SPAG16: variants seen among roughly 807,000 people sequenced by gnomAD.
The protein encoded by SPAG16 is sperm associated antigen 16, also known as sperm-associated antigen 16 protein.
SPAG16 carries 86 observed loss-of-function variants against 80.4 expected under a neutral mutation model. The observed-to-expected ratio is 1.07, with a 90% CI of 0.90 to 1.28. SPAG16 has a LOEUF of 1.28. Among genes scored for constraint, SPAG16 ranks in the 50% most tolerant of loss-of-function variants. The pLI is 0.00. For missense variants in SPAG16, 870 were observed against 765.3 expected, an observed-to-expected ratio of 1.14 and a Z score of -1.61; for synonymous variants, 294 against 265.9, an observed-to-expected ratio of 1.11 and a Z score of -1.03.
At chr2:213,305,809 T>G (rs745869805) in intron 3 of SPAG16, among the ~76,000 whole-genome samples, 2 of 151,902 alleles carry the variant, frequency 1.3e-5, no homozygotes, top group African/African-American at 4.8e-5. Flanking sequence ...ATATTGGCCT[T>G]TTAACATGTC....
intron 11 of SPAG16, among the ~76,000 whole-genome samples, chr2:213,906,097 T>C (rs1299233099): frequency 1.3e-5 from 2 of 152,162 alleles, no homozygotes; most frequent in Non-Finnish European, 2.9e-5. Context: ...CCTCTCATAC[T>C]TCAGAGACCT....
chr2:214,107,788 A>G (rs1576226379), intron 13 of SPAG16, among the ~76,000 whole-genome samples: 1 of 152,296 alleles, frequency 6.6e-6, no homozygotes, highest in African/African-American at 2.4e-5. Flanking sequence ...TCATTTAAAA[A>G]GAAAAAGAGA....
chr2:214,222,784 T>G (rs2058611691), intron 15 of SPAG16, among the ~76,000 whole-genome samples: 3 of 152,174 alleles, frequency 2.0e-5, no homozygotes, highest in Admixed American at 2.0e-4. Flanking sequence ...CCCACTGCAC[T>G]TTAAAATTGA....
chr2:213,892,148 G>C (rs914041628), intron 11 of SPAG16, among the ~76,000 whole-genome samples: 15 of 151,968 alleles, frequency 9.9e-5, no homozygotes, highest in African/African-American at 3.4e-4. Flanking sequence ...TAGGTCCCTA[G>C]AACACAAAAC....
chr2:213,426,789 G>A (rs2069948380), intron 9 of SPAG16, among the ~76,000 whole-genome samples: 2 of 136,956 alleles, frequency 1.5e-5, no homozygotes, highest in South Asian at 2.6e-4. Flanking sequence ...GTGTGTGTAT[G>A]TTTATATTTA....
chr2:213,404,316 G>C (rs1227760793), intron 9 of SPAG16, among the ~76,000 whole-genome samples: 12 of 152,228 alleles, frequency 7.9e-5, no homozygotes, highest in African/African-American at 2.6e-4. Context: ...TATACTACAA[G>C]CCTACAGTAA....
At chr2:214,192,824 A>G (rs1332391676) in intron 15 of SPAG16, among the ~76,000 whole-genome samples, 1 of 152,112 alleles carries the variant, frequency 6.6e-6, no homozygotes, top group Non-Finnish European at 1.5e-5. Flanking sequence ...GCATTGTAAA[A>G]AATAAGTAAT....
intron 9 of SPAG16, among the ~76,000 whole-genome samples, chr2:213,380,318 G>T (rs1331187925): frequency 3.3e-5 from 5 of 152,160 alleles, no homozygotes; most frequent in African/African-American, 7.2e-5. Flanking sequence ...CCTGCATATT[G>T]TGCAGATCCA....
chr2:214,205,525 A>G (rs149021241), intron 15 of SPAG16, among the ~76,000 whole-genome samples: 102 of 152,318 alleles, frequency 6.7e-4, no homozygotes, highest in African/African-American at 2.3e-3. Context: ...ACTTTAAACT[A>G]CACAGTCAGT....
At chr2:213,727,856 A>T (rs1369729694) in intron 10 of SPAG16, among the ~76,000 whole-genome samples, 2 of 151,508 alleles carry the variant, frequency 1.3e-5, no homozygotes, top group African/African-American at 2.4e-5. Flanking sequence ...ATTTTATTTT[A>T]TTTTATTTTG....
At chr2:214,158,439 C>T (rs374509256) in intron 15 of SPAG16, among the ~76,000 whole-genome samples, 5 of 151,908 alleles carry the variant, frequency 3.3e-5, no homozygotes, top group East Asian at 3.9e-4. Context: ...TTGTTATTCT[C>T]GCATACCTCA....
At chr2:214,064,884 T>C (rs1454770095) in intron 13 of SPAG16, among the ~76,000 whole-genome samples, 1 of 152,090 alleles carries the variant, frequency 6.6e-6, no homozygotes, top group East Asian at 1.9e-4. Flanking sequence ...GTCTATTTAA[T>C]GCAGTTTTTG....
intron 13 of SPAG16, among the ~76,000 whole-genome samples, chr2:214,040,144 A>C (rs551555772): frequency 6.6e-6 from 1 of 152,292 alleles, no homozygotes; most frequent in African/African-American, 2.4e-5. Context: ...GGGAAGTTGC[A>C]TAGCCTGGGA....
At chr2:214,054,062 G>T (rs1382292855) in intron 13 of SPAG16, among the ~76,000 whole-genome samples, 3 of 151,884 alleles carry the variant, frequency 2.0e-5, no homozygotes, top group African/African-American at 4.8e-5. Flanking sequence ...TTTGTTGGAG[G>T]GCAGTGGCAC....
intron 9 of SPAG16, among the ~76,000 whole-genome samples, chr2:213,448,608 G>T (rs1268033272): frequency 2.0e-5 from 3 of 152,200 alleles, no homozygotes; most frequent in Non-Finnish European, 4.4e-5. Flanking sequence ...AAGAAAGGGA[G>T]AAATGTTGCA....
chr2:213,317,727 T>C, intron 5 of SPAG16: 1 of 987,566 alleles, frequency 1.0e-6, no homozygotes, highest in Non-Finnish European at 1.2e-6. Context: ...TGCTAGTTTA[T>C]TCCTGGTAGA....
At chr2:214,162,902 A>G (rs1413035658) in intron 15 of SPAG16, among the ~76,000 whole-genome samples, 1 of 152,134 alleles carries the variant, frequency 6.6e-6, no homozygotes, top group Non-Finnish European at 1.5e-5. Flanking sequence ...GCAAATATAG[A>G]CAATTTGTTC....
At chr2:214,017,867 A>G (rs577251586) in intron 13 of SPAG16, among the ~76,000 whole-genome samples, 1 of 152,284 alleles carries the variant, frequency 6.6e-6, no homozygotes, top group East Asian at 1.9e-4. Flanking sequence ...CTATTTTGTT[A>G]CTATTATGCA....
chr2:213,579,834 A>G (rs2060245308), intron 10 of SPAG16, among the ~76,000 whole-genome samples: 1 of 152,172 alleles, frequency 6.6e-6, no homozygotes, highest in Admixed American at 6.6e-5. Context: ...ATTTTGTATC[A>G]TGATCTAATA....
Sources: allele counts gnomAD v4.1 joint callset (sites outside exome capture counted in the v4.1 genomes callset), GRCh38; gene constraint gnomAD v4.1.1; transcripts MANE v1.5; gene names NCBI Gene and HGNC (gene_info 2026-07-23, HGNC 2026-07-21).